PTCHD4: variants seen among roughly 807,000 people sequenced by gnomAD.
PTCHD4 encodes the protein patched domain containing 4.
PTCHD4 carries 33 observed loss-of-function variants against 58.1 expected under a neutral mutation model. The observed-to-expected ratio is 0.57, with a 90% confidence interval of 0.43 to 0.76. PTCHD4 has a LOEUF of 0.76. Among genes scored for constraint, PTCHD4 ranks in the 30% least tolerant of loss-of-function variants. The pLI, the probability that PTCHD4 is intolerant of heterozygous loss-of-function variation, is 0.00. For missense variants in PTCHD4, 1,058 were observed against 1,027.1 expected (o/e 1.03, Z -0.41); for synonymous variants, 478 against 409.6 (o/e 1.17, Z -2.02).
intron 4 of PTCHD4, among the ~76,000 whole-genome samples, chr6:48,003,874 A>G (rs1438697122): frequency 6.6e-6 from 1 of 152,100 alleles, no homozygotes; most frequent in African/African-American, 2.4e-5. Context: ...GCCTTAGCAC[A>G]TATATTTCTC....
chr6:48,079,810 A>G (rs890841929), intron 1 of PTCHD4, among the ~76,000 whole-genome samples: 6 of 151,548 alleles, frequency 4.0e-5, no homozygotes, highest in African/African-American at 1.5e-4. Flanking sequence ...TTCATATACC[A>G]CTGCTCCTAG....
At chr6:48,109,277 C>A (rs541667822) in intron 1 of PTCHD4, among the ~76,000 whole-genome samples, 1 of 152,108 alleles carries the variant, frequency 6.6e-6, no homozygotes, top group African/African-American at 2.4e-5. Flanking sequence ...ACTATAACAC[C>A]AGTACCACAA....
intron 3 of PTCHD4, among the ~76,000 whole-genome samples, chr6:48,059,882 CCT>C (rs1465225366): frequency 1.3e-5 from 2 of 152,166 alleles, no homozygotes; most frequent in Non-Finnish European, 1.5e-5. Context: ...TTAACCCACC[CCT>C]GTGTGTTAAC....
At chr6:47,926,870 T>G (rs1765640250) in intron 4 of PTCHD4, among the ~76,000 whole-genome samples, 2 of 152,236 alleles carry the variant, frequency 1.3e-5, no homozygotes, top group Admixed American at 6.5e-5. Context: ...TGTCTGACAC[T>G]AAAACCTGAT....
At chr6:48,086,722 G>C (rs1765272559) in intron 1 of PTCHD4, among the ~76,000 whole-genome samples, 1 of 151,900 alleles carries the variant, frequency 6.6e-6, no homozygotes, top group Admixed American at 6.6e-5. Context: ...TTTTCATGGG[G>C]GAAAAAGACT....
intron 1 of PTCHD4, among the ~76,000 whole-genome samples, chr6:48,088,378 T>C (rs2113899798): frequency 6.6e-6 from 1 of 152,360 alleles, no homozygotes; most frequent in Admixed American, 6.5e-5. Flanking sequence ...AAGTGATTTG[T>C]AGTTTACAAT....
rs561880695 is a variant in PTCHD4, at chr6:47,969,365, T to C, written c.898+39269A>G. On this transcript the variant is annotated intron_variant, in intron 4 of 4. Transcript: ENST00000339488. ...TTACTTGTTGAAATCCCTTTTTGCA[T>C]TCATGGGTTTAGATAATATCTTTTA... Among the ~76,000 whole-genome samples, 5 of 152,368 alleles carry C rather than the reference T, an allele frequency of 3.3e-5. No homozygotes were observed. In the East Asian group the frequency reaches 9.6e-4, roughly 29 times the overall value.
Position 47,879,787 on chromosome 6 carries a change from T to A in PTCHD4, c.1048A>T (p.Met350Leu). 6.2e-7 allele frequency: 1 copy of A among 1,613,684 alleles called. No individual in the cohort carries two copies. The highest frequency in any genetic ancestry group is 1.3e-5 in the African/African-American group (1 of 75,008). Residue 350 changes from methionine to leucine, a missense_variant, in exon 5 of 5, where the codon ATG becomes TTG. Met to Leu is a conservative substitution (Grantham distance 15, BLOSUM62 2). Coordinates refer to ENST00000339488, the MANE Select transcript of PTCHD4 (RefSeq NM_001384253.1). ...ATGTTTGTGAATGGGCTGGCACCCA[T>A]GCCAAAAGTGATGAAGTACAGGGAG... is the stretch of plus-strand genomic sequence containing the variant. ...TSSLYFITFGMGASPFTNIEA... is the reference protein window; with the variant it reads ...TSSLYFITFGLGASPFTNIEA...
intron 1 of PTCHD4, among the ~76,000 whole-genome samples, chr6:48,110,047 G>A (rs755926690): frequency 1.3e-4 from 20 of 152,148 alleles, no homozygotes; most frequent in Admixed American, 4.6e-4. Context: ...AACACAGCAC[G>A]GAGGTTCCTT....
intron 3 of PTCHD4, among the ~76,000 whole-genome samples, chr6:48,056,297 G>A (rs1277541141): frequency 6.6e-6 from 1 of 152,110 alleles, no homozygotes. Context: ...ATACTTATTA[G>A]TGCTATAGTA....
chr6:47,884,515 CCCA>C (rs1764122345), intron 4 of PTCHD4, among the ~76,000 whole-genome samples: 1 of 152,178 alleles, frequency 6.6e-6, no homozygotes, highest in African/African-American at 2.4e-5. Flanking sequence ...ACACTGGTGG[CCCA>C]CCAATTCAGG....
At chr6:47,908,830 T>C (rs79486983) in intron 4 of PTCHD4, among the ~76,000 whole-genome samples, 8,182 of 152,232 alleles carry the variant, frequency 0.054, 279 homozygotes, top group African/African-American at 0.08. Flanking sequence ...AAATATTCAT[T>C]TTAATAAAAT....
chr6:47,866,327 C>A lies in PTCHD4; in HGVS notation c.*11976G>T, dbSNP rs769665272. On this transcript the variant is annotated 3_prime_UTR_variant, in exon 5 of 5. Transcript: ENST00000339488. ...ACTCCCAGAAGTACTGAGGTTGGGT[C>A]TCGCTATAGGATATATTGATTTAAG... is the stretch of plus-strand genomic sequence containing the variant. 6.6e-6 allele frequency among the ~76,000 whole-genome samples: 1 copy of A among 151,888 alleles called. No homozygotes were observed. The highest frequency in any genetic ancestry group is 2.4e-5 in the African/African-American group (1 of 41,420).
chr6:47,964,366 C>T (rs1012524587), intron 4 of PTCHD4, among the ~76,000 whole-genome samples: 4 of 152,100 alleles, frequency 2.6e-5, no homozygotes, highest in Admixed American at 2.0e-4. Context: ...AAGAACTCTA[C>T]ATCTGTTGCA....
intron 1 of PTCHD4, among the ~76,000 whole-genome samples, chr6:48,097,672 C>A (rs1582136033): frequency 6.6e-6 from 1 of 152,090 alleles, no homozygotes; most frequent in East Asian, 1.9e-4. Context: ...AAGGACAAAG[C>A]CCCTGTCTTC....
In PTCHD4 at chr6:47,874,753, G is replaced by C. The variant is rs200825755; in HGVS notation, c.*3550C>G. Among the ~76,000 whole-genome samples the C allele has an allele frequency of 1.5e-5, 2 of 130,714 alleles. No individual in the cohort carries two copies. The highest frequency in any genetic ancestry group is 3.4e-5 in the Non-Finnish European group (2 of 58,806). The allele number at this position is 130,714 out of a possible 152,430, so 85.8% of individuals were successfully genotyped here. A position where few individuals can be genotyped will look rare whatever the true frequency, so the allele number is the denominator to read the frequency against. On this transcript the variant is annotated 3_prime_UTR_variant, in exon 5 of 5. Transcript: ENST00000339488. The stretch of plus-strand genomic sequence containing the variant: ...GGGCCACTTACATGATACAACAACA[G>C]AGGAGAATAGTTCTTTCATAGAATA...
chr6:47,973,627 G>A (rs1212607396), intron 4 of PTCHD4, among the ~76,000 whole-genome samples: 1 of 152,196 alleles, frequency 6.6e-6, no homozygotes, highest in Non-Finnish European at 1.5e-5. Flanking sequence ...GGATAATTCT[G>A]CACATTCAGG....
At chr6:48,016,090 T>C (rs1762858153) in intron 3 of PTCHD4, among the ~76,000 whole-genome samples, 1 of 151,974 alleles carries the variant, frequency 6.6e-6, no homozygotes, top group Non-Finnish European at 1.5e-5. Context: ...CCCCCAAATA[T>C]GTTTCTTTTT....
At position 47,857,479 on chromosome 6, in the gene PTCHD4, C is replaced by T. The variant is rs545911890; in HGVS notation, c.*20824G>A. 2.6e-5 allele frequency among the ~76,000 whole-genome samples: 4 copies of T among 152,098 alleles called. No individual in the cohort carries two copies. The highest frequency in any genetic ancestry group is 4.4e-5 in the Non-Finnish European group (3 of 67,950). ...TCCTTTTGGCAAGATAAAAAACTAACCCTTGGGTTCAAACAATAAATGAGG... is the reference window on the plus strand; with the variant it reads ...TCCTTTTGGCAAGATAAAAAACTAATCCTTGGGTTCAAACAATAAATGAGG... On this transcript the variant is annotated 3_prime_UTR_variant, in exon 5 of 5. Transcript: ENST00000339488.
Sources: allele counts gnomAD v4.1 joint callset (sites outside exome capture counted in the v4.1 genomes callset), GRCh38; gene constraint gnomAD v4.1.1; transcripts MANE v1.5; gene names NCBI Gene and HGNC (gene_info 2026-07-23, HGNC 2026-07-21).